The following SLC24A2 variants were observed in gnomAD, a reference collection of about 807,000 sequenced individuals.
SLC24A2 encodes the protein solute carrier family 24 member 2.
A neutral mutation model predicts 62.0 loss-of-function variants in SLC24A2; 36 were observed. The ratio of observed to expected loss-of-function variants is 0.58; its 90% CI spans 0.44 to 0.77. SLC24A2 has a LOEUF of 0.77. SLC24A2 is among the 30% of genes least tolerant of loss of function. The pLI is 0.00. For missense variants in SLC24A2, 846 were observed against 817.9 expected (o/e 1.03, Z -0.42); for synonymous variants, 358 against 294.0 (o/e 1.22, Z -2.23).
chr9:19,593,346 T>G (rs1376942771), intron 5 of SLC24A2, among the ~76,000 whole-genome samples: 1 of 151,918 alleles, frequency 6.6e-6, no homozygotes, highest in Non-Finnish European at 1.5e-5. Flanking sequence ...CATGAAAGAA[T>G]GAATAAAAAA....
At chr9:19,750,341 A>G (rs867069595) in intron 2 of SLC24A2, among the ~76,000 whole-genome samples, 1 of 151,452 alleles carries the variant, frequency 6.6e-6, no homozygotes, top group African/African-American at 2.4e-5. Context: ...TCAACACTCA[A>G]TTCACCCTCT....
At chr9:19,642,495 T>C (rs1292306113) in intron 2 of SLC24A2, among the ~76,000 whole-genome samples, 5 of 152,024 alleles carry the variant, frequency 3.3e-5, no homozygotes, top group Non-Finnish European at 5.9e-5. Context: ...CAGGGTCAAT[T>C]TTCCAAGCTA....
the SLC24A2 span, among the ~76,000 whole-genome samples, chr9:20,144,306 A>G: frequency 6.6e-6 from 1 of 152,212 alleles, no homozygotes; most frequent in African/African-American, 2.4e-5. Flanking sequence ...TTAGACACCT[A>G]AAACAGAAAC....
At chr9:19,993,060 T>C in the SLC24A2 span, among the ~76,000 whole-genome samples, 12 of 152,188 alleles carry the variant, frequency 7.9e-5, no homozygotes, top group Admixed American at 7.9e-4. Context: ...GTACGCTTTA[T>C]AGATATTAAC....
chr9:19,935,196 G>C, the SLC24A2 span, among the ~76,000 whole-genome samples: 1 of 151,666 alleles, frequency 6.6e-6, no homozygotes, highest in Non-Finnish European at 1.5e-5. Context: ...CTTCCAGCCT[G>C]ACCTACTATA....
intron 8 of SLC24A2, among the ~76,000 whole-genome samples, chr9:19,544,079 T>C (rs1203991065): frequency 6.6e-6 from 1 of 152,090 alleles, no homozygotes; most frequent in East Asian, 1.9e-4. Flanking sequence ...TCTTTGTGGA[T>C]CTCTAAGAAC....
chr9:20,105,499 T>G, the SLC24A2 span, among the ~76,000 whole-genome samples: 1 of 151,774 alleles, frequency 6.6e-6, no homozygotes, highest in Non-Finnish European at 1.5e-5. Context: ...ACAAACTGTC[T>G]CTCAGACCAC....
intron 4 of SLC24A2, among the ~76,000 whole-genome samples, chr9:19,614,821 T>C (rs559372494): frequency 3.3e-5 from 5 of 152,082 alleles, no homozygotes; most frequent in Non-Finnish European, 7.4e-5. Flanking sequence ...GTGCCTTCCT[T>C]TGTAGGTGTT....
the SLC24A2 span, among the ~76,000 whole-genome samples, chr9:19,869,155 A>G: frequency 1.3e-5 from 2 of 151,968 alleles, no homozygotes; most frequent in Non-Finnish European, 2.9e-5. Context: ...CTAATTTTTT[A>G]TTATTAGTGG....
At chr9:20,292,837 G>GC in the SLC24A2 span, among the ~76,000 whole-genome samples, 7 of 152,270 alleles carry the variant, frequency 4.6e-5, no homozygotes, top group East Asian at 3.9e-4. Flanking sequence ...CAATCCTCCT[G>GC]CCTTGGCCTC....
the SLC24A2 span, among the ~76,000 whole-genome samples, chr9:19,962,193 G>A: frequency 6.6e-6 from 1 of 152,036 alleles, no homozygotes; most frequent in Non-Finnish European, 1.5e-5. Context: ...TCACTTTAAG[G>A]AGTTGCTCTG....
At chr9:20,223,028 C>T in the SLC24A2 span, among the ~76,000 whole-genome samples, 1 of 151,742 alleles carries the variant, frequency 6.6e-6, no homozygotes, top group African/African-American at 2.4e-5. Context: ...AGAGTCTATA[C>T]AAAGTTAAAA....
At chr9:20,198,294 T>C in the SLC24A2 span, among the ~76,000 whole-genome samples, 16 of 152,244 alleles carry the variant, frequency 1.1e-4, no homozygotes, top group Non-Finnish European at 1.9e-4. Flanking sequence ...ATTGTTGCTC[T>C]GACTTTATTC....
the SLC24A2 span, among the ~76,000 whole-genome samples, chr9:20,056,097 T>C: frequency 7.2e-5 from 11 of 152,144 alleles, no homozygotes; most frequent in African/African-American, 2.7e-4. Context: ...ATATGTAAAA[T>C]GGTAATAGTA....
chr9:20,074,603 AAAGAAGGGAGTGAGGG>A, the SLC24A2 span, among the ~76,000 whole-genome samples: 1 of 36,234 alleles, frequency 2.8e-5, no homozygotes, highest in East Asian at 3.0e-3. Context: ...GGAAGGAAGG[AAAGAAGGGAGTGAGGG>A]AGGGAGGGAG....
the SLC24A2 span, among the ~76,000 whole-genome samples, chr9:19,838,371 G>T: frequency 0.084 from 12,799 of 152,030 alleles, 625 homozygotes; most frequent in African/African-American, 0.14. Context: ...GCCATATGGA[G>T]AAAGCTGAAA....
the SLC24A2 span, among the ~76,000 whole-genome samples, chr9:19,981,796 AC>A: frequency 6.6e-6 from 1 of 152,254 alleles, no homozygotes; most frequent in Middle Eastern, 3.4e-3. Flanking sequence ...TGGCAATCCA[AC>A]TGAACAGAAC....
chr9:19,741,744 T>G (rs925283116), intron 2 of SLC24A2, among the ~76,000 whole-genome samples: 4 of 152,202 alleles, frequency 2.6e-5, no homozygotes, highest in Non-Finnish European at 5.9e-5. Context: ...AGTTATATAC[T>G]CTGTCCTTGC....
chr9:20,102,159 C>T, the SLC24A2 span, among the ~76,000 whole-genome samples: 1 of 152,110 alleles, frequency 6.6e-6, no homozygotes, highest in Admixed American at 6.5e-5. Context: ...GGAGCCTAAA[C>T]CTACCTTCTG....
Sources: allele counts gnomAD v4.1 joint callset (sites outside exome capture counted in the v4.1 genomes callset), GRCh38; gene constraint gnomAD v4.1.1; transcripts MANE v1.5; gene names NCBI Gene and HGNC (gene_info 2026-07-23, HGNC 2026-07-21).